Variants in USP45 observed in about 807,000 individuals in gnomAD.
USP45 encodes ubiquitin specific peptidase 45, also known as ubiquitin carboxyl-terminal hydrolase 45.
In USP45, 89 loss-of-function variants were observed where a neutral mutation model predicts 95.8. The observed-to-expected ratio is 0.93, with a 90% CI of 0.78 to 1.11. The LOEUF is 1.11. Among genes scored for constraint, USP45 ranks in the 50% least tolerant of loss-of-function variants. The probability of loss-of-function intolerance (pLI) is 0.00; values close to 1 mark genes in which losing one functional copy is unlikely to be tolerated. For synonymous variants in USP45, 281 were observed against 316.2 expected (o/e 0.89, Z 1.18); for missense variants, 898 against 942.5 (o/e 0.95, Z 0.62).
At chr6:99,464,023 A>C (rs1429483024) in intron 13 of USP45, among the ~76,000 whole-genome samples, 1 of 151,954 alleles carries the variant, frequency 6.6e-6, no homozygotes, top group Non-Finnish European at 1.5e-5. Context: ...TCCCTCGGTT[A>C]GTGCTGGGCG....
At chr6:99,491,403 T>C (rs1795141233) in intron 5 of USP45, among the ~76,000 whole-genome samples, 1 of 152,220 alleles carries the variant, frequency 6.6e-6, no homozygotes, top group African/African-American at 2.4e-5. Flanking sequence ...AGACTGTAAA[T>C]AGAACCTAGA....
At chr6:99,505,659 A>C (rs891661519) in intron 4 of USP45, among the ~76,000 whole-genome samples, 2 of 151,732 alleles carry the variant, frequency 1.3e-5, no homozygotes, top group Non-Finnish European at 2.9e-5. Context: ...AAAAAAAAAA[A>C]ACATAATGCA....
chr6:99,464,692 G>T lies in USP45; in HGVS notation c.1220C>A (p.Thr407Lys). 1 of 1,612,488 alleles carries T rather than the reference G, an allele frequency of 6.2e-7. No homozygotes were observed. Among genetic ancestry groups the T allele is most frequent in the South Asian group, 1.1e-5 (1 of 90,996 alleles). ...ATTGCCACTGTATCGATCATGATCTGTCTCCCGTAAACTTCTATATTTATT... is the reference window on the plus strand; with the variant it reads ...ATTGCCACTGTATCGATCATGATCTTTCTCCCGTAAACTTCTATATTTATT... ...RMNKYRSLRE[T>K]DHDRYSGNVT... The change falls in exon 13 of 18, where the codon ACA (threonine) becomes AAA (lysine). Residue 407 changes from threonine to lysine, a missense_variant. By Grantham distance (78) the Thr-to-Lys change is moderately conservative. Coordinates refer to ENST00000500704, the MANE Select transcript of USP45 (RefSeq NM_001346022.3).
intron 8 of USP45, among the ~76,000 whole-genome samples, chr6:99,477,575 A>T (rs1791188164): frequency 1.3e-5 from 2 of 152,154 alleles, no homozygotes; most frequent in Admixed American, 6.5e-5. Flanking sequence ...AGCCTCTCAA[A>T]GTGCTGGAAT....
At chr6:99,439,214 A>T (rs1352777424) in intron 16 of USP45, among the ~76,000 whole-genome samples, 1 of 152,010 alleles carries the variant, frequency 6.6e-6, no homozygotes, top group African/African-American at 2.4e-5. Context: ...CCTTCAAGGA[A>T]GACCAAGTCA....
chr6:99,477,561 C>A (rs1056973197), intron 8 of USP45, among the ~76,000 whole-genome samples: 1 of 152,176 alleles, frequency 6.6e-6, no homozygotes, highest in Non-Finnish European at 1.5e-5. Flanking sequence ...GATCCACCCA[C>A]CTCAGCCTCT....
chr6:99,455,818 C>CAA (rs1784915731), intron 13 of USP45, among the ~76,000 whole-genome samples: 1 of 42,438 alleles, frequency 2.4e-5, no homozygotes, highest in Non-Finnish European at 4.2e-5. Flanking sequence ...TATGTGAGAG[C>CAA]TAAAAAAAAA....
chr6:99,443,529 C>A (rs924066829), intron 15 of USP45, 36 bp downstream of exon 15: 1 of 1,443,810 alleles, frequency 6.9e-7, no homozygotes, highest in Non-Finnish European at 9.7e-7. Context: ...CTGTAAAACA[C>A]ATGATGAAAA....
At chr6:99,441,603 C>A (rs1395739097) in intron 15 of USP45, among the ~76,000 whole-genome samples, 1 of 152,080 alleles carries the variant, frequency 6.6e-6, no homozygotes, top group East Asian at 1.9e-4. Context: ...GTGTTACCAA[C>A]TTACACTCCC....
chr6:99,442,118 T>C (rs989535148), intron 15 of USP45, among the ~76,000 whole-genome samples: 4 of 152,256 alleles, frequency 2.6e-5, no homozygotes, highest in African/African-American at 9.6e-5. Flanking sequence ...TGGATGTCCA[T>C]AAATATTTCC....
At chr6:99,447,068 G>C (rs970334848) in intron 13 of USP45, among the ~76,000 whole-genome samples, 2 of 147,828 alleles carry the variant, frequency 1.4e-5, no homozygotes, top group Non-Finnish European at 3.0e-5. Flanking sequence ...CACTGAAAAT[G>C]TATCTGTTTT....
intron 5 of USP45, among the ~76,000 whole-genome samples, chr6:99,498,943 A>G (rs1303914755): frequency 6.6e-6 from 1 of 152,064 alleles, no homozygotes; most frequent in Non-Finnish European, 1.5e-5. Context: ...CATAGTATTT[A>G]TTTCATTTTT....
intron 13 of USP45, among the ~76,000 whole-genome samples, chr6:99,454,596 C>T (rs9376180): frequency 0.056 from 8,581 of 152,022 alleles, 995 homozygotes; most frequent in East Asian, 0.45. Flanking sequence ...TCCAAATGGC[C>T]AAGAGGTATA....
chr6:99,514,833 C>T (rs933826896), intron 1 of USP45: 1 of 152,152 alleles, frequency 6.6e-6, no homozygotes, highest in Non-Finnish European at 1.5e-5. Flanking sequence ...AAATATTAAC[C>T]CACGCAACCC....
At chr6:99,443,514 ATG>A in intron 15 of USP45, 49 bp downstream of exon 15, 1 of 1,260,512 alleles carries the variant, frequency 7.9e-7, no homozygotes, top group Non-Finnish European at 1.1e-6. Flanking sequence ...ATAGGACTTA[ATG>A]CTCTGTAAAA....
chr6:99,471,683 T>C (rs1020181001), intron 9 of USP45, among the ~76,000 whole-genome samples: 3 of 152,226 alleles, frequency 2.0e-5, no homozygotes, highest in African/African-American at 7.2e-5. Context: ...CTCAATGTTG[T>C]AGTTCAGAAA....
rs1173177161 is a variant in USP45 at position 99,432,716 on chromosome 6, T to C, written c.*3000A>G. The C allele has an allele frequency of 1.3e-5, 2 of 152,610 alleles. No individual in the cohort carries two copies. Among genetic ancestry groups the C allele is most frequent in the East Asian group, 3.8e-4 (2 of 5,200 alleles). 9.5% of individuals were successfully genotyped at this position (152,610 alleles called of 1,614,324 possible). ...GCTCAATTTTATTGCACATATTTGG[T>C]TTAGGCTTATTTGATCAATACATGC... On this transcript the variant is annotated 3_prime_UTR_variant, in exon 18 of 18. Coordinates refer to ENST00000500704, the MANE Select transcript of USP45 (RefSeq NM_001346022.3).
At chr6:99,507,377 A>AG in intron 4 of USP45, 51 bp downstream of exon 4, 1 of 1,165,676 alleles carries the variant, frequency 8.6e-7, no homozygotes, top group South Asian at 1.5e-5. Context: ...GAAAAAAAAA[A>AG]ATTGGGGGGC....
At chr6:99,461,935 G>C (rs935755520) in intron 13 of USP45, 2 of 985,160 alleles carry the variant, frequency 2.0e-6, no homozygotes, top group South Asian at 9.4e-5. Context: ...CTGGTTCCAT[G>C]ATTAAACTGG....
Sources: gnomAD v4.1 joint callset for allele counts (sites outside exome capture counted in the v4.1 genomes callset) on GRCh38, gnomAD v4.1.1 for gene constraint, MANE v1.5 for transcripts, NCBI Gene and HGNC (gene_info 2026-07-23, HGNC 2026-07-21) for gene names.